The following TMC7 variants were observed in gnomAD, a reference collection of about 807,000 sequenced individuals.
The protein encoded by TMC7 is transmembrane channel like 7.
TMC7 carries 54 observed loss-of-function variants against 82.9 expected under a neutral mutation model. The observed-to-expected ratio is 0.65, with a 90% confidence interval of 0.52 to 0.82. The LOEUF (loss-of-function observed/expected upper bound fraction) is 0.82. Among genes scored for constraint, TMC7 ranks in the 40% least tolerant of loss-of-function variants. TMC7 has a pLI of 0.00. For synonymous variants in TMC7, 350 were observed against 337.9 expected (o/e 1.04, Z -0.39); for missense variants, 820 against 901.2 (o/e 0.91, Z 1.15).
At chr16:18,986,873 C>T (rs1286038215) in intron 1 of TMC7, among the ~76,000 whole-genome samples, 1 of 151,808 alleles carries the variant, frequency 6.6e-6, no homozygotes, top group Non-Finnish European at 1.5e-5. Flanking sequence ...GGCGCGATCT[C>T]GGCTCACTGC....
At chr16:19,022,512 C>T (rs1383331134) in intron 4 of TMC7, among the ~76,000 whole-genome samples, 1 of 152,120 alleles carries the variant, frequency 6.6e-6, no homozygotes, top group African/African-American at 2.4e-5. Flanking sequence ...TTGCAGTTAC[C>T]TACAGTATTC....
intron 1 of TMC7, among the ~76,000 whole-genome samples, chr16:18,997,229 A>G (rs896643991): frequency 3.3e-5 from 5 of 152,220 alleles, no homozygotes; most frequent in African/African-American, 1.2e-4. Context: ...GAGAACACCA[A>G]ACAGGCCATC....
At chr16:18,986,772 A>T (rs941950032) in intron 1 of TMC7, among the ~76,000 whole-genome samples, 1 of 150,498 alleles carries the variant, frequency 6.6e-6, no homozygotes, top group Non-Finnish European at 1.5e-5. Context: ...GGGTCTTTGC[A>T]TCTGCTGTTC....
chr16:19,009,252 G>A lies in TMC7; in HGVS notation c.148G>A (p.Ala50Thr), dbSNP rs2039293731. The A allele has an allele frequency of 6.2e-7, 1 of 1,614,078 alleles. No individual in the cohort carries two copies. Among genetic ancestry groups the A allele is most frequent in the South Asian group, 1.1e-5 (1 of 91,086 alleles). The part of the protein sequence containing the change: ...LQELPSYRSI[A>T]RRRTTVHSRD... Reference sequence around the variant, plus strand: ...AGAATTGCCAAGCTACCGGTCCATTGCACGTAGGAGAACGACTGTCCATTC... The same window carrying A: ...AGAATTGCCAAGCTACCGGTCCATTACACGTAGGAGAACGACTGTCCATTC... Residue 50 changes from alanine to threonine, a missense_variant, in exon 2 of 16, where the codon GCA (alanine) becomes ACA (threonine). Coordinates refer to ENST00000304381, the MANE Select transcript of TMC7 (RefSeq NM_024847.4).
intron 5 of TMC7, among the ~76,000 whole-genome samples, chr16:19,025,639 CA>C (rs765517270): frequency 6.6e-6 from 1 of 151,264 alleles, no homozygotes; most frequent in Non-Finnish European, 1.5e-5. Flanking sequence ...CAAAACAAAA[CA>C]AAAAACAAAA....
intron 8 of TMC7, 28 bp from the exon 9 acceptor site, chr16:19,040,261 T>A: frequency 6.2e-7 from 1 of 1,604,098 alleles, no homozygotes; most frequent in Non-Finnish European, 8.5e-7. Context: ...CATATACTCC[T>A]GACTAATAAG....
intron 4 of TMC7, 31 bp downstream of exon 4, chr16:19,021,827 GTGTT>G: frequency 1.2e-6 from 2 of 1,606,664 alleles, no homozygotes; most frequent in Non-Finnish European, 1.7e-6. Context: ...ACTACGAAGT[GTGTT>G]TGTTTTTCAC....
At chr16:18,998,073 A>G (rs2039075515) in intron 1 of TMC7, among the ~76,000 whole-genome samples, 1 of 152,062 alleles carries the variant, frequency 6.6e-6, no homozygotes, top group African/African-American at 2.4e-5. Flanking sequence ...GAACACAGCC[A>G]TGCTCATTCG....
In TMC7 at chr16:19,041,426, C is replaced by T. The variant is rs185696021; in HGVS notation, c.1337+980C>T. ...CGTTGCTCAGGCTGGAGTGCAGTGGCGTGATCTTGGCTCACTGCAACCTCC... is the reference window on the plus strand; with the variant it reads ...CGTTGCTCAGGCTGGAGTGCAGTGGTGTGATCTTGGCTCACTGCAACCTCC... On this transcript the variant is annotated intron_variant, in intron 9 of 15. Coordinates refer to ENST00000304381, the MANE Select transcript of TMC7 (RefSeq NM_024847.4). Among the ~76,000 whole-genome samples, 23 of 151,646 alleles carry T rather than the reference C, an allele frequency of 1.5e-4. No homozygotes were observed. The East Asian group carries it at 2.5e-3, about 17-fold the overall frequency.
intron 1 of TMC7, among the ~76,000 whole-genome samples, chr16:18,994,821 T>C (rs2039012536): frequency 6.6e-6 from 1 of 152,234 alleles, no homozygotes; most frequent in African/African-American, 2.4e-5. Flanking sequence ...AAGGCCATGC[T>C]GTAACAGGCA....
intron 2 of TMC7, among the ~76,000 whole-genome samples, chr16:19,014,619 C>T (rs1425980565): frequency 6.6e-6 from 1 of 152,234 alleles, no homozygotes; most frequent in Non-Finnish European, 1.5e-5. Flanking sequence ...TCTCTTTCCC[C>T]TGCTCTCCTT....
Position 18,983,996 on chromosome 16 carries a change from G to A in TMC7, c.-68G>A. Reference sequence around the variant, plus strand: ...TCCCGGCTCCGCGAGGGAAGGCCGGGGAGGCGGCGGCGGCGGCGGCGGCTG... The same window carrying A: ...TCCCGGCTCCGCGAGGGAAGGCCGGAGAGGCGGCGGCGGCGGCGGCGGCTG... On this transcript the variant is annotated 5_prime_UTR_variant, in exon 1 of 16. Transcript: ENST00000304381. 7.4e-7 allele frequency: 1 copy of A among 1,355,208 alleles called. No homozygotes were observed. The highest frequency in any genetic ancestry group is 9.5e-7 in the Non-Finnish European group (1 of 1,056,950). The allele number at this position is 1,355,208 out of a possible 1,614,324, so 83.9% of individuals were successfully genotyped here.
rs755738299 is a variant in TMC7, at chr16:19,040,354, G to A, written c.1245G>A (p.Thr415=). 94 of 1,613,680 alleles carry A rather than the reference G, an allele frequency of 5.8e-5. No homozygotes were observed. The highest frequency in any genetic ancestry group is 7.1e-5 in the Non-Finnish European group (84 of 1,179,966). The part of the protein sequence containing the change: ...FILYLPSIVI[T]LANFITPMIF... ...TGTATCTACCGTCTATTGTGATCACGCTGGCCAATTTTATCACCCCAATGA... is the reference window on the plus strand; with the variant it reads ...TGTATCTACCGTCTATTGTGATCACACTGGCCAATTTTATCACCCCAATGA... The change falls in exon 9 of 16, where the codon ACG becomes ACA. Residue 415 remains threonine (T), a synonymous_variant. Coordinates refer to ENST00000304381, the MANE Select transcript of TMC7 (RefSeq NM_024847.4).
intron 4 of TMC7, 106 bp downstream of exon 4, chr16:19,021,902 G>A (rs1343593879): frequency 5.7e-5 from 76 of 1,343,038 alleles, no homozygotes; most frequent in Non-Finnish European, 7.3e-5. Flanking sequence ...TTGGGCGACT[G>A]TATTAGTCAG....
chr16:19,059,324 A>G lies in TMC7; in HGVS notation c.2028-92A>G. 3 of 1,552,138 alleles carry G rather than the reference A, an allele frequency of 1.9e-6. No individual in the cohort carries two copies. The South Asian group carries it at 3.8e-5, about 19-fold the overall frequency. ...CCAGCCTTCTTTTCTAACAAGAGTAAAACTGTTCCAAGGAAAAATATGTTG... is the reference window on the plus strand; with the variant it reads ...CCAGCCTTCTTTTCTAACAAGAGTAGAACTGTTCCAAGGAAAAATATGTTG... On this transcript the variant is annotated intron_variant, in intron 14 of 15. Coordinates refer to ENST00000304381, the MANE Select transcript of TMC7 (RefSeq NM_024847.4).
chr16:19,028,004 G>A (rs1463823513), intron 5 of TMC7, among the ~76,000 whole-genome samples: 3 of 152,056 alleles, frequency 2.0e-5, no homozygotes, highest in African/African-American at 7.2e-5. Flanking sequence ...ACCTTTCTCT[G>A]TGCACTTACA....
intron 1 of TMC7, among the ~76,000 whole-genome samples, chr16:19,007,492 C>A (rs952497868): frequency 1.3e-5 from 2 of 152,170 alleles, no homozygotes; most frequent in African/African-American, 2.4e-5. Context: ...GTCACACACT[C>A]TTCTGCCGCT....
In TMC7 at chr16:19,037,966, C is replaced by G; in HGVS notation, c.1098C>G (p.Asn366Lys). 1.9e-6 allele frequency: 3 copies of G among 1,614,078 alleles called. No individual in the cohort carries two copies. Among genetic ancestry groups the G allele is most frequent in the Non-Finnish European group, 2.5e-6 (3 of 1,179,996 alleles). Residue 366 changes from asparagine (N) to lysine (K), a missense_variant, in exon 8 of 16, where the codon AAC becomes AAG. By Grantham distance (94) the Asn-to-Lys change is moderately conservative (BLOSUM62 0). Coordinates refer to ENST00000304381, the MANE Select transcript of TMC7 (RefSeq NM_024847.4). Reference protein sequence around the residue: ...IRIYSLRLFLNCIVLAVLGAC... With the variant: ...IRIYSLRLFLKCIVLAVLGAC... ...TTTACTCTTTGAGACTGTTTTTGAA[C>G]TGTATTGTTCTGGCTGTTTTAGGGG...
rs896509055 is a variant in TMC7 at position 19,003,060 on chromosome 16, G to C, written c.68-6112G>C. 2.6e-5 allele frequency among the ~76,000 whole-genome samples: 4 copies of C among 152,366 alleles called. No homozygotes were observed. The Middle Eastern group carries it at 0.01, about 389-fold the overall frequency. ...GGAAAGCCAGAGCAGGCCAAGGGTG[G>C]TGGCTTATGCCTGTAATCCCAGCCC... is the stretch of plus-strand genomic sequence containing the variant. On this transcript the variant is annotated intron_variant, in intron 1 of 15. Transcript: ENST00000304381.
Sources: allele counts gnomAD v4.1 joint callset (sites outside exome capture counted in the v4.1 genomes callset), GRCh38; gene constraint gnomAD v4.1.1; transcripts MANE v1.5; gene names NCBI Gene and HGNC (gene_info 2026-07-23, HGNC 2026-07-21).